The following CDH1 variants were observed in gnomAD, a reference collection of about 807,000 sequenced individuals.
CDH1 encodes cadherin 1, also known as cadherin-1.
CDH1 carries 35 observed loss-of-function variants against 84.5 expected under a neutral mutation model. The observed-to-expected ratio is 0.41, with a 90% CI of 0.32 to 0.55. CDH1 has a LOEUF of 0.55. CDH1 is among the 20% of genes least tolerant of loss of function. The pLI is 0.19. For synonymous variants in CDH1, 417 were observed against 439.0 expected, an observed-to-expected ratio of 0.95 and a Z score of 0.63; for missense variants, 994 against 1,126.6, an observed-to-expected ratio of 0.88 and a Z score of 1.68.
rs142739336 is a variant in CDH1 at position 68,779,006 on chromosome 16, C to T, written c.164-22664C>T. Among the ~76,000 whole-genome samples the T allele has an allele frequency of 6.0e-4, 92 of 152,294 alleles. 1 individual carries two copies. In the East Asian group the frequency reaches 0.018, roughly 29 times the overall value. On this transcript the variant is annotated intron_variant, in intron 2 of 15. Transcript: ENST00000261769. Reference sequence around the variant, plus strand: ...GCAAATTAAGGCCTTTGGGAACAGCCAGGTGGCCTTTCAGGTTTTGTCAGG... The same window carrying T: ...GCAAATTAAGGCCTTTGGGAACAGCTAGGTGGCCTTTCAGGTTTTGTCAGG...
At chr16:68,748,206 G>A (rs1371592641) in intron 2 of CDH1, among the ~76,000 whole-genome samples, 3 of 148,476 alleles carry the variant, frequency 2.0e-5, no homozygotes, top group Non-Finnish European at 3.0e-5. Flanking sequence ...TCCGCCTCCC[G>A]GGTTCAAGTG....
intron 2 of CDH1, among the ~76,000 whole-genome samples, chr16:68,741,821 A>G (rs1412276108): frequency 6.6e-6 from 1 of 152,132 alleles, no homozygotes; most frequent in African/African-American, 2.4e-5. Context: ...CTGGGATTGC[A>G]GGCACATGCC....
intron 2 of CDH1, among the ~76,000 whole-genome samples, chr16:68,755,119 A>T (rs1261360260): frequency 6.6e-6 from 1 of 151,896 alleles, no homozygotes; most frequent in East Asian, 1.9e-4. Flanking sequence ...TCTACAAAAA[A>T]TCCAAAAATT....
intron 2 of CDH1, among the ~76,000 whole-genome samples, chr16:68,776,550 TAG>T (rs1295626899): frequency 2.0e-5 from 3 of 152,208 alleles, no homozygotes; most frequent in Admixed American, 6.5e-5. Flanking sequence ...GTATGTTTTG[TAG>T]AGACAGGGGT....
At chr16:68,805,376 C>T (rs1173854115) in intron 3 of CDH1, among the ~76,000 whole-genome samples, 1 of 152,118 alleles carries the variant, frequency 6.6e-6, no homozygotes, top group Non-Finnish European at 1.5e-5. Context: ...AGGCATGACT[C>T]CCTTTCATTT....
At chr16:68,807,178 A>G (rs1960688525) in intron 3 of CDH1, among the ~76,000 whole-genome samples, 1 of 152,170 alleles carries the variant, frequency 6.6e-6, no homozygotes, top group African/African-American at 2.4e-5. Context: ...GCATATGAAA[A>G]CTGTTCAATA....
chr16:68,803,047 G>A (rs141764089), intron 3 of CDH1, among the ~76,000 whole-genome samples: 1 of 152,272 alleles, frequency 6.6e-6, no homozygotes, highest in African/African-American at 2.4e-5. Context: ...AGTTTCTCAA[G>A]TGCTCCCGTG....
intron 2 of CDH1, among the ~76,000 whole-genome samples, chr16:68,782,798 G>A (rs1054749222): frequency 2.0e-5 from 3 of 152,056 alleles, no homozygotes; most frequent in African/African-American, 7.2e-5. Flanking sequence ...ACCCCACACA[G>A]GGTTCCTTCC....
At chr16:68,789,296 T>C (rs12596834) in intron 2 of CDH1, among the ~76,000 whole-genome samples, 41,072 of 151,906 alleles carry the variant, frequency 0.27, 5,715 homozygotes, top group Middle Eastern at 0.33. Flanking sequence ...CTCCCCAAAG[T>C]GCTGGGATTA....
At chr16:68,781,260 G>A (rs973451961) in intron 2 of CDH1, among the ~76,000 whole-genome samples, 3 of 152,130 alleles carry the variant, frequency 2.0e-5, no homozygotes, top group African/African-American at 7.2e-5. Flanking sequence ...AGGCATTGTG[G>A]CCTCAGTTGC....
chr16:68,794,595 C>T (rs1013067650), intron 2 of CDH1, among the ~76,000 whole-genome samples: 2 of 151,936 alleles, frequency 1.3e-5, no homozygotes, highest in African/African-American at 4.8e-5. Context: ...TCATAGCACA[C>T]TGCAGCCTCC....
At chr16:68,742,700 C>G (rs1385642778) in intron 2 of CDH1, 1 of 152,452 alleles carries the variant, frequency 6.6e-6, no homozygotes, top group South Asian at 2.1e-4. Context: ...GGATTACAGG[C>G]GTGAGCCACT....
chr16:68,810,080 G>A lies in CDH1; in HGVS notation c.688-117G>A, dbSNP rs562503234. The A allele has an allele frequency of 1.4e-5, 14 of 1,006,586 alleles. No individual in the cohort carries two copies. The East Asian group carries it at 2.6e-4, about 19-fold the overall frequency. The allele number at this position is 1,006,586 out of a possible 1,614,324, so 62.4% of individuals were successfully genotyped here. A position where few individuals can be genotyped will look rare whatever the true frequency, so the allele number is the denominator to read the frequency against. On this transcript the variant is annotated intron_variant, in intron 5 of 15. Coordinates refer to ENST00000261769, the MANE Select transcript of CDH1 (RefSeq NM_004360.5). ...GTGTGAGAAAAGTCACCCACTGGGG[G>A]TCTCAGAGCCTAGGAAGGTGTGGCA...
intron 10 of CDH1, among the ~76,000 whole-genome samples, chr16:68,818,239 C>CA (rs576537213): frequency 0.14 from 11,343 of 82,918 alleles, 1,032 homozygotes; most frequent in African/African-American, 0.25. Context: ...GACTCTGTCC[C>CA]AAAAAAAAAA....
chr16:68,808,585 C>G lies in CDH1; in HGVS notation c.531+18C>G, dbSNP rs1960732333. The G allele has an allele frequency of 6.2e-7, 1 of 1,614,122 alleles. No homozygotes were observed. The highest frequency in any genetic ancestry group is 1.1e-5 in the South Asian group (1 of 91,080). On this transcript the variant is annotated intron_variant, in intron 4 of 15. Transcript: ENST00000261769. The stretch of plus-strand genomic sequence containing the variant: ...TGGTTCAGGTAGAGAAAGAAGTTCT[C>G]TGTTTCTCTGGGAGGGATTTGGCAG...
At chr16:68,755,540 C>G (rs923065468) in intron 2 of CDH1, among the ~76,000 whole-genome samples, 1 of 151,292 alleles carries the variant, frequency 6.6e-6, no homozygotes, top group Non-Finnish European at 1.5e-5. Context: ...GCCACCATGC[C>G]CGGCCAGGCC....
At chr16:68,750,717 T>C (rs1208143492) in intron 2 of CDH1, among the ~76,000 whole-genome samples, 2 of 151,542 alleles carry the variant, frequency 1.3e-5, no homozygotes, top group African/African-American at 4.9e-5. Context: ...GGTTTTTTTT[T>C]TTTTTTTTTA....
At chr16:68,773,621 A>G (rs1321138914) in intron 2 of CDH1, among the ~76,000 whole-genome samples, 3 of 152,252 alleles carry the variant, frequency 2.0e-5, no homozygotes, top group East Asian at 1.9e-4. Flanking sequence ...TTCCTAATAC[A>G]TCATTCACAT....
Position 68,796,302 on chromosome 16 carries a change from C to T in CDH1, c.164-5368C>T, listed in dbSNP as rs143085585. 1.4e-4 allele frequency among the ~76,000 whole-genome samples: 21 copies of T among 152,286 alleles called. No individual in the cohort carries two copies. In the East Asian group the frequency reaches 1.5e-3, roughly 11 times the overall value. On this transcript the variant is annotated intron_variant, in intron 2 of 15. Coordinates refer to ENST00000261769, the MANE Select transcript of CDH1 (RefSeq NM_004360.5). Reference sequence around the variant, plus strand: ...GCAAAACACTGCTTCCAACTAGTTACGTCTAAGATACTAGGTTATCCCACT... The same window carrying T: ...GCAAAACACTGCTTCCAACTAGTTATGTCTAAGATACTAGGTTATCCCACT...
Sources: gnomAD v4.1 joint callset for allele counts (sites outside exome capture counted in the v4.1 genomes callset) on GRCh38, gnomAD v4.1.1 for gene constraint, MANE v1.5 for transcripts, NCBI Gene and HGNC (gene_info 2026-07-23, HGNC 2026-07-21) for gene names.